The following C3orf18 variants were observed in gnomAD, a reference collection of about 807,000 sequenced individuals.
The protein encoded by C3orf18 is chromosome 3 open reading frame 18, also known as uncharacterized protein C3orf18.
C3orf18 carries 12 observed loss-of-function variants against 14.1 expected under a neutral mutation model. The ratio of observed to expected loss-of-function variants is 0.85; its 90% confidence interval spans 0.55 to 1.38. The LOEUF is 1.38. Among genes scored for constraint, C3orf18 ranks in the 40% most tolerant of loss-of-function variants. C3orf18 has a pLI of 0.00. For missense variants in C3orf18, 196 were observed against 213.9 expected (o/e 0.92, Z 0.52); for synonymous variants, 82 against 87.9 (o/e 0.93, Z 0.38).
upstream of C3orf18, among the ~76,000 whole-genome samples, chr3:50,572,797 C>T (rs1701156799): frequency 6.6e-6 from 1 of 152,256 alleles, no homozygotes; most frequent in Non-Finnish European, 1.5e-5. Flanking sequence ...AGTGTGTTAT[C>T]CCTTGGTAAG....
At position 50,567,467 on chromosome 3, in the gene C3orf18, T is replaced by C. The variant is rs1271859169; in HGVS notation, c.-256A>G. On this transcript the variant is annotated 5_prime_UTR_variant, in exon 1 of 6. Transcript: ENST00000357203. ...AGCAGTGACCTCAGCACTTACTTAA[T>C]CCTCTCCCGGCGCCGAGCTCAGTTG... 1 of 152,222 alleles carries C rather than the reference T, an allele frequency of 6.6e-6. No homozygotes were observed. The highest frequency in any genetic ancestry group is 2.4e-5 in the African/African-American group (1 of 41,442). 9.4% of individuals were successfully genotyped at this position (152,222 alleles called of 1,614,324 possible).
chr3:50,562,238 G>A, intron 3 of C3orf18: 1 of 354,672 alleles, frequency 2.8e-6, no homozygotes, highest in Non-Finnish European at 5.5e-6. Flanking sequence ...ACAGTGCCCA[G>A]ACTGAGTCTG....
chr3:50,571,792 G>A (rs1282252128), upstream of C3orf18: 18 of 1,614,036 alleles, frequency 1.1e-5, no homozygotes, highest in South Asian at 6.6e-5. Context: ...AGTAGCCGTC[G>A]ATTGCAGAGG....
At chr3:50,566,944 A>C (rs928999261) in intron 1 of C3orf18, among the ~76,000 whole-genome samples, 5 of 152,158 alleles carry the variant, frequency 3.3e-5, no homozygotes, top group African/African-American at 1.2e-4. Context: ...TCGTGGGTGC[A>C]TACATCCCCC....
In C3orf18 at chr3:50,562,009, C is replaced by T. The variant is rs1700005521; in HGVS notation, c.235-262G>A. The T allele has an allele frequency of 1.7e-5, 10 of 593,788 alleles. No homozygotes were observed. In the South Asian group the frequency reaches 2.1e-4, roughly 12 times the overall value. The allele number at this position is 593,788 out of a possible 1,614,324, so 36.8% of individuals were successfully genotyped here. On this transcript the variant is annotated intron_variant, in intron 3 of 5. Transcript: ENST00000357203. The stretch of plus-strand genomic sequence containing the variant: ...TCGCCTCCAAGGTTCAAGTGATTCT[C>T]CTGCCTAAGCCTCCTGAGTAGCTAG...
At chr3:50,570,558 C>A (rs1412861579), upstream of C3orf18, 1 of 152,288 alleles carries the variant, frequency 6.6e-6, no homozygotes, top group Admixed American at 6.5e-5. Context: ...TAGACTAATG[C>A]ATTGCTTGCC....
chr3:50,567,188 C>A (rs1418855706), intron 1 of C3orf18, among the ~76,000 whole-genome samples: 1 of 152,184 alleles, frequency 6.6e-6, no homozygotes, highest in Non-Finnish European at 1.5e-5. Flanking sequence ...CGGGCGTGAC[C>A]TTGGGCCAAA....
chr3:50,565,335 C>A lies in C3orf18; in HGVS notation c.234+131G>T. On this transcript the variant is annotated intron_variant, in intron 3 of 5. Transcript: ENST00000357203. The surrounding 1 kb of genome is among the most constrained non-coding windows in gnomAD (Gnocchi z 4.4). Reference sequence around the variant, plus strand: ...TGAGCTGAGATCAAGCCATTGCACTCCAGCCTGCATGACAGAGCAAGACTC... The same window carrying A: ...TGAGCTGAGATCAAGCCATTGCACTACAGCCTGCATGACAGAGCAAGACTC... 1 of 736,240 alleles carries A rather than the reference C, an allele frequency of 1.4e-6. No individual in the cohort carries two copies. Among genetic ancestry groups the A allele is most frequent in the Non-Finnish European group, 2.3e-6 (1 of 441,066 alleles). The allele number at this position is 736,240 out of a possible 1,614,324, so 45.6% of individuals were successfully genotyped here. A position where few individuals can be genotyped will look rare whatever the true frequency, so the allele number is the denominator to read the frequency against.
chr3:50,571,544 T>A, upstream of C3orf18: 1 of 725,220 alleles, frequency 1.4e-6, no homozygotes, highest in Non-Finnish European at 2.4e-6. Context: ...CCTGGAAGCC[T>A]GGTGTTAGCT....
Position 50,565,490 on chromosome 3 carries a change from C to T in C3orf18, c.210G>A (p.Thr70=), listed in dbSNP as rs768800486. 98 of 1,613,876 alleles carry T rather than the reference C, an allele frequency of 6.1e-5. No homozygotes were observed. The highest frequency in any genetic ancestry group is 1.6e-4 in the Middle Eastern group (1 of 6,084). ...GTMLLSFGII[T]VIGLAVALVL... is the part of the protein sequence containing the mutation. ...CCAAGGCCACAGCCAGGCCTATCAC[C>T]GTGATGATCCCAAAGGACAGAAGCA... The change falls in exon 3 of 6, where the codon ACG becomes ACA. Residue 70 remains threonine, a synonymous_variant. Transcript: ENST00000357203. This position sits in a 1 kb window ranked among gnomAD's most constrained non-coding sequence, Gnocchi z 4.4.
upstream of C3orf18, chr3:50,571,413 T>A: frequency 9.5e-7 from 1 of 1,055,690 alleles, no homozygotes; most frequent in African/African-American, 1.6e-5. Context: ...TTCTGTTCAC[T>A]AAGAGTGCTT....
rs1239131435 is a variant in C3orf18, at chr3:50,565,136, G to A, written c.234+330C>T. Among the ~76,000 whole-genome samples the A allele has an allele frequency of 6.6e-6, 1 of 152,172 alleles. No individual in the cohort carries two copies. Among genetic ancestry groups the A allele is most frequent in the African/African-American group, 2.4e-5 (1 of 41,434 alleles). On this transcript the variant is annotated intron_variant, in intron 3 of 5. Transcript: ENST00000357203. The surrounding 1 kb of genome is among the most constrained non-coding windows in gnomAD (Gnocchi z 4.4). ...AATCCCAGCACTTTGGGAGGCCAAC[G>A]GGGGCAGATCACTTGAGGCCAGGAG...
At chr3:50,570,838 G>A, upstream of C3orf18, 2 of 367,578 alleles carry the variant, frequency 5.4e-6, no homozygotes, top group South Asian at 1.4e-4. Flanking sequence ...GGGGGTGTCA[G>A]AGCAAGAGCA....
chr3:50,566,670 C>T (rs555228940), intron 1 of C3orf18, among the ~76,000 whole-genome samples: 1 of 152,090 alleles, frequency 6.6e-6, no homozygotes, highest in South Asian at 2.1e-4. Flanking sequence ...CTCTGGTTCT[C>T]TGGCGGGGCT....
upstream of C3orf18, chr3:50,567,882 GT>G (rs1032641152): frequency 1.3e-5 from 2 of 152,346 alleles, no homozygotes; most frequent in African/African-American, 4.8e-5. Flanking sequence ...CCTGGTCGCA[GT>G]TTTTAGAGAC....
At chr3:50,563,530 C>G (rs558484681) in intron 3 of C3orf18, among the ~76,000 whole-genome samples, 1 of 152,310 alleles carries the variant, frequency 6.6e-6, no homozygotes, top group South Asian at 2.1e-4. Context: ...GCAGCCCCCT[C>G]TCCTCCAGGA....
rs1699830603 is a variant in C3orf18 at position 50,559,339 on chromosome 3, G to A, written c.*318C>T. ...CCCTCATTTCCTCCACATTAGCGGGGCAGACCCTGATGTGAGGGATCTGGA... is the reference window on the plus strand; with the variant it reads ...CCCTCATTTCCTCCACATTAGCGGGACAGACCCTGATGTGAGGGATCTGGA... On this transcript the variant is annotated 3_prime_UTR_variant, in exon 6 of 6. Transcript: ENST00000357203. The A allele has an allele frequency of 7.8e-7, 1 of 1,285,458 alleles. No homozygotes were observed. Among genetic ancestry groups the A allele is most frequent in the East Asian group, 4.0e-5 (1 of 24,926 alleles). 79.6% of individuals were successfully genotyped at this position (1,285,458 alleles called of 1,614,324 possible).
chr3:50,574,650 C>T (rs1240457861), upstream of C3orf18, among the ~76,000 whole-genome samples: 1 of 152,218 alleles, frequency 6.6e-6, no homozygotes, highest in Non-Finnish European at 1.5e-5. Context: ...GGCCTCACCA[C>T]TGAGACCACA....
In C3orf18 at chr3:50,561,028, G is replaced by A; in HGVS notation, c.297C>T (p.Tyr99=). The change falls in exon 5 of 6, where the codon TAC becomes TAT. Residue 99 remains tyrosine (Y), a synonymous_variant. Coordinates refer to ENST00000357203, the MANE Select transcript of C3orf18 (RefSeq NM_016210.5). ...EKLRHQLMPM[Y]NFDPTEEQDE... ...CTTGTTCCTCCGTGGGGTCGAAGTT[G>A]TACATGGGCATGAGCTGGTGGCGTA... is the stretch of plus-strand genomic sequence containing the variant. The A allele has an allele frequency of 1.2e-6, 2 of 1,614,166 alleles. No individual in the cohort carries two copies. Among genetic ancestry groups the A allele is most frequent in the East Asian group, 2.2e-5 (1 of 44,876 alleles).
Sources: gnomAD v4.1 joint callset for allele counts (sites outside exome capture counted in the v4.1 genomes callset) on GRCh38, gnomAD v4.1.1 for gene constraint, Gnocchi (gnomAD v3.1) non-coding constraint, MANE v1.5 for transcripts, NCBI Gene and HGNC (gene_info 2026-07-23, HGNC 2026-07-21) for gene names.